Variants in INO80D observed in about 807,000 individuals in gnomAD.
INO80D encodes INO80 complex subunit D.
Under a neutral mutation model 87.6 loss-of-function variants are expected in INO80D, and 21 were observed. The observed-to-expected ratio is 0.24, with a 90% CI of 0.17 to 0.35. The LOEUF is 0.35. INO80D is among the 10% of genes least tolerant of loss of function. INO80D has a pLI of 1.00. For missense variants in INO80D, 982 were observed against 1,280.7 expected, an observed-to-expected ratio of 0.77 and a Z score of 3.56; for synonymous variants, 440 against 491.0, an observed-to-expected ratio of 0.90 and a Z score of 1.37.
At chr2:206,007,628 C>G (rs1304872894) in intron 9 of INO80D, among the ~76,000 whole-genome samples, 187 bp from the exon 10 acceptor site, 1 of 152,192 alleles carries the variant, frequency 6.6e-6, no homozygotes, top group Admixed American at 6.5e-5. Flanking sequence ...TCGAGATCAG[C>G]CTGGTCAACA....
intron 7 of INO80D, among the ~76,000 whole-genome samples, chr2:206,018,681 G>A (rs1688382538): frequency 6.6e-6 from 1 of 152,122 alleles, no homozygotes; most frequent in Admixed American, 6.6e-5. Flanking sequence ...AGCACTGTGG[G>A]AGGCTAAGGT....
intron 5 of INO80D, among the ~76,000 whole-genome samples, chr2:206,029,092 G>C (rs1688696358): frequency 6.6e-6 from 1 of 151,988 alleles, no homozygotes; most frequent in African/African-American, 2.4e-5. Flanking sequence ...GTTTCACCAT[G>C]TTAGCTAGGA....
intron 3 of INO80D, among the ~76,000 whole-genome samples, chr2:206,060,963 C>A (rs554994210): frequency 6.6e-6 from 1 of 152,240 alleles, no homozygotes; most frequent in African/African-American, 2.4e-5. Context: ...AAGGTGTATA[C>A]AGATGCTTCA....
At chr2:206,051,367 A>T (rs1233175793) in intron 4 of INO80D, among the ~76,000 whole-genome samples, 1 of 152,030 alleles carries the variant, frequency 6.6e-6, no homozygotes, top group Non-Finnish European at 1.5e-5. Context: ...CAAGTTTGCA[A>T]CTGTGCCTGG....
rs769725216 is a variant in INO80D, at chr2:206,062,806, C to A, written c.211G>T (p.Asp71Tyr). The change falls in exon 3 of 11, where the codon GAT (aspartate) becomes TAT (tyrosine). Residue 71 changes from aspartate to tyrosine, a missense_variant. Transcript: ENST00000403263. This position sits in a 1 kb window ranked among gnomAD's most constrained non-coding sequence, Gnocchi z 4.6. Reference sequence around the variant, plus strand: ...CTCATGATTAGCCCTTACCTACGATCCTCTGATTTGGGGATGGGGTTGGTG... The same window carrying A: ...CTCATGATTAGCCCTTACCTACGATACTCTGATTTGGGGATGGGGTTGGTG... ...RCTNPIPKSE[D>Y]RRYCNSHLQV... 1.9e-6 allele frequency: 3 copies of A among 1,604,264 alleles called. No homozygotes were observed. Among genetic ancestry groups the A allele is most frequent in the Admixed American group, 3.6e-5 (2 of 56,134 alleles).
At chr2:206,075,404 T>G (rs1157381789) in intron 1 of INO80D, among the ~76,000 whole-genome samples, 1 of 151,990 alleles carries the variant, frequency 6.6e-6, no homozygotes, top group African/African-American at 2.4e-5. Context: ...ATCCTACCAC[T>G]TTTAAAGAGC....
At chr2:206,050,862 G>A (rs532309283) in intron 4 of INO80D, among the ~76,000 whole-genome samples, 187 of 150,834 alleles carry the variant, frequency 1.2e-3, no homozygotes, top group Admixed American at 1.8e-3. Context: ...CCAACTACTC[G>A]GCAGGCTGAA....
At chr2:206,029,236 A>G (rs12622773) in intron 5 of INO80D, among the ~76,000 whole-genome samples, 89 of 151,952 alleles carry the variant, frequency 5.9e-4, no homozygotes, top group Admixed American at 1.3e-3. Flanking sequence ...ACAGCATTTG[A>G]TAAGTCAGGG....
At chr2:206,080,965 T>G (rs1166190601) in intron 1 of INO80D, among the ~76,000 whole-genome samples, 1 of 147,696 alleles carries the variant, frequency 6.8e-6, no homozygotes, top group Non-Finnish European at 1.5e-5. Context: ...AGAAAAGTTA[T>G]GCACCAGAAA....
intron 5 of INO80D, among the ~76,000 whole-genome samples, chr2:206,029,571 G>A (rs1010090194): frequency 3.3e-5 from 5 of 151,620 alleles, no homozygotes; most frequent in African/African-American, 1.2e-4. Flanking sequence ...TTCATTGCTG[G>A]GTTTCTCTTA....
At position 206,013,209 on chromosome 2, in the gene INO80D, G is replaced by C. The variant is rs577882515; in HGVS notation, c.1543-3415C>G. 6.4e-4 allele frequency among the ~76,000 whole-genome samples: 97 copies of C among 152,078 alleles called. 1 individual carries two copies. Among genetic ancestry groups the C allele is most frequent in the Non-Finnish European group, 1.2e-3 (79 of 68,026 alleles). On this transcript the variant is annotated intron_variant, in intron 8 of 10. Coordinates refer to ENST00000403263, the MANE Select transcript of INO80D (RefSeq NM_017759.5). The stretch of plus-strand genomic sequence containing the variant: ...TTGCCTAAGTAGGAAAGTTTAACTA[G>C]CTGAAAAGAATAAAACTGCATTCAA...
intron 8 of INO80D, among the ~76,000 whole-genome samples, chr2:206,015,345 T>C (rs776597269): frequency 4.7e-4 from 71 of 152,130 alleles, no homozygotes; most frequent in Non-Finnish European, 2.2e-4. Flanking sequence ...CCTGGAGGCC[T>C]AGGAGGAAAA....
In INO80D at chr2:206,056,244, C is replaced by A; in HGVS notation, c.918G>T (p.Leu306=). The change falls in exon 4 of 11, where the codon CTG becomes CTT. Residue 306 remains leucine, a synonymous_variant. Coordinates refer to ENST00000403263, the MANE Select transcript of INO80D (RefSeq NM_017759.5). ...TGTCCAACTGATGTTTCTGGGTGCA[C>A]AGTTTCACCAGTCTCTGCAGTCGGC... ...CISRLQRLVK[L]CTQKHQLDTD... The A allele has an allele frequency of 6.2e-7, 1 of 1,608,608 alleles. No homozygotes were observed. Among genetic ancestry groups the A allele is most frequent in the South Asian group, 1.1e-5 (1 of 90,034 alleles).
At chr2:206,043,805 A>G (rs2105860716) in intron 5 of INO80D, among the ~76,000 whole-genome samples, 1 of 152,206 alleles carries the variant, frequency 6.6e-6, no homozygotes, top group East Asian at 1.9e-4. Flanking sequence ...CCAATTTTCT[A>G]CAGCTCCCCA....
At position 206,003,801 on chromosome 2, in the gene INO80D, T is replaced by A. The variant is rs1559426558; in HGVS notation, c.*567A>T. On this transcript the variant is annotated 3_prime_UTR_variant, in exon 11 of 11. Coordinates refer to ENST00000403263, the MANE Select transcript of INO80D (RefSeq NM_017759.5). Reference sequence around the variant, plus strand: ...AAAAACACACGCGTGGGCACACGCATACTCACAGGCAGTCAAAAGACACAT... The same window carrying A: ...AAAAACACACGCGTGGGCACACGCAAACTCACAGGCAGTCAAAAGACACAT... 2 of 161,204 alleles carry A rather than the reference T, an allele frequency of 1.2e-5. No homozygotes were observed. The highest frequency in any genetic ancestry group is 2.8e-5 in the Non-Finnish European group (2 of 72,402). 10.0% of individuals were successfully genotyped at this position (161,204 alleles called of 1,614,324 possible).
At chr2:206,020,029 T>C (rs1416225810) in intron 6 of INO80D, among the ~76,000 whole-genome samples, 184 bp from the exon 7 acceptor site, 1 of 152,058 alleles carries the variant, frequency 6.6e-6, no homozygotes, top group Non-Finnish European at 1.5e-5. Context: ...TTGTGTTATT[T>C]CCCTAATCTT....
intron 7 of INO80D, 49 bp from the exon 8 acceptor site, chr2:206,017,862 C>T (rs749030885): frequency 1.5e-5 from 23 of 1,534,042 alleles, no homozygotes; most frequent in Non-Finnish European, 1.9e-5. Flanking sequence ...TCTAATTTTT[C>T]AATTTCTATA....
At chr2:206,039,868 T>C (rs190124163) in intron 5 of INO80D, among the ~76,000 whole-genome samples, 49 of 151,468 alleles carry the variant, frequency 3.2e-4, no homozygotes, top group African/African-American at 1.2e-3. Flanking sequence ...GAATGTTATT[T>C]TTAAAAACTG....
At chr2:206,050,385 A>G (rs1421585025) in intron 4 of INO80D, among the ~76,000 whole-genome samples, 3 of 150,312 alleles carry the variant, frequency 2.0e-5, no homozygotes, top group Non-Finnish European at 3.0e-5. Context: ...CCAGCTACTC[A>G]GGAGGCTGAG....
Sources: gnomAD v4.1 joint callset for allele counts (sites outside exome capture counted in the v4.1 genomes callset) on GRCh38, gnomAD v4.1.1 for gene constraint, Gnocchi (gnomAD v3.1) non-coding constraint, MANE v1.5 for transcripts, NCBI Gene and HGNC (gene_info 2026-07-23, HGNC 2026-07-21) for gene names.